Variants in RSPH14 observed in about 807,000 individuals in gnomAD.
RSPH14 encodes rhabdoid tumor deletion region gene 1.
A neutral mutation model predicts 26.7 loss-of-function variants in RSPH14; 20 were observed. That is an observed-to-expected ratio of 0.75 (90% CI 0.53 to 1.09). The LOEUF (loss-of-function observed/expected upper bound fraction) is 1.09. Ranked by LOEUF, RSPH14 falls within the 50% of genes least tolerant of loss-of-function variation. RSPH14 has a pLI of 0.00. For synonymous variants in RSPH14, 177 were observed against 189.3 expected (o/e 0.93, Z 0.53); for missense variants, 449 against 457.2 (o/e 0.98, Z 0.16).
At chr22:23,123,541 T>C in intron 4 of RSPH14, 1 of 667,710 alleles carries the variant, frequency 1.5e-6, no homozygotes, top group Non-Finnish European at 2.6e-6. Context: ...GCCTAAAGAA[T>C]GTCCCCCACC....
At chr22:23,113,561 A>G (rs972370063) in intron 4 of RSPH14, among the ~76,000 whole-genome samples, 2 of 152,286 alleles carry the variant, frequency 1.3e-5, no homozygotes, top group Non-Finnish European at 2.9e-5. Context: ...CGAATAAGCT[A>G]TTTCCTTTGC....
the RSPH14 span, among the ~76,000 whole-genome samples, chr22:23,168,504 A>G: frequency 6.6e-6 from 1 of 152,078 alleles, no homozygotes; most frequent in Non-Finnish European, 1.5e-5. Flanking sequence ...CGCCACACAC[A>G]CACACAGACA....
intron 4 of RSPH14, chr22:23,123,797 G>A (rs764243156): frequency 3.0e-5 from 8 of 264,290 alleles, no homozygotes; most frequent in Non-Finnish European, 5.8e-5. Flanking sequence ...GGATTGTTAG[G>A]GATAGGCAGC....
chr22:23,089,086 G>A (rs1025950013), intron 4 of RSPH14, among the ~76,000 whole-genome samples: 18 of 152,204 alleles, frequency 1.2e-4, no homozygotes, highest in Admixed American at 3.3e-4. Flanking sequence ...TTTCCTGGGA[G>A]GTGAGGAGGG....
chr22:23,119,634 C>T (rs2069952847), intron 4 of RSPH14, among the ~76,000 whole-genome samples: 1 of 152,250 alleles, frequency 6.6e-6, no homozygotes, highest in Admixed American at 6.5e-5. Context: ...CTAAGCTTCA[C>T]CTCCTACTAG....
At chr22:23,116,288 T>G (rs1392027689) in intron 4 of RSPH14, among the ~76,000 whole-genome samples, 1 of 152,118 alleles carries the variant, frequency 6.6e-6, no homozygotes, top group Non-Finnish European at 1.5e-5. Context: ...GAGGTGGAGC[T>G]GCGGGTGCAG....
At chr22:23,114,419 C>T (rs1331592123) in intron 4 of RSPH14, among the ~76,000 whole-genome samples, 2 of 152,196 alleles carry the variant, frequency 1.3e-5, no homozygotes, top group East Asian at 1.9e-4. Flanking sequence ...AATGCGGCTG[C>T]ATCCCCATGC....
At chr22:23,091,977 C>T (rs772954733) in intron 4 of RSPH14, among the ~76,000 whole-genome samples, 1 of 152,196 alleles carries the variant, frequency 6.6e-6, no homozygotes, top group Non-Finnish European at 1.5e-5. Flanking sequence ...GGCCTTACAG[C>T]ATGTTCCTCC....
chr22:23,070,531 C>T (rs999827335), intron 4 of RSPH14: 1 of 151,292 alleles, frequency 6.6e-6, no homozygotes, highest in Non-Finnish European at 1.5e-5. Flanking sequence ...CCCGCCCTGC[C>T]CGGAGCAGCT....
intron 4 of RSPH14, among the ~76,000 whole-genome samples, chr22:23,072,041 A>G (rs1220548033): frequency 1.3e-5 from 2 of 152,108 alleles, no homozygotes; most frequent in South Asian, 4.1e-4. Context: ...AAGCAGTTCC[A>G]TGACCCCATG....
the RSPH14 span, among the ~76,000 whole-genome samples, chr22:23,153,297 C>T: frequency 6.6e-6 from 1 of 152,162 alleles, no homozygotes; most frequent in Non-Finnish European, 1.5e-5. Flanking sequence ...CCAGAGCCCC[C>T]ACATGCTCTG....
intron 5 of RSPH14, among the ~76,000 whole-genome samples, chr22:23,062,928 C>A (rs1355738327): frequency 2.0e-5 from 3 of 152,248 alleles, no homozygotes; most frequent in Non-Finnish European, 4.4e-5. Context: ...CAAAGCTCCC[C>A]CGCTGCAAAC....
the RSPH14 span, chr22:23,152,318 AGT>A: frequency 1.3e-6 from 1 of 784,980 alleles, no homozygotes; most frequent in African/African-American, 1.7e-5. Flanking sequence ...GGGGGAACAC[AGT>A]GTCTCAGCAG....
the RSPH14 span, among the ~76,000 whole-genome samples, chr22:23,171,061 G>C: frequency 6.6e-6 from 1 of 151,912 alleles, no homozygotes; most frequent in African/African-American, 2.4e-5. Flanking sequence ...TCTGCCTCCC[G>C]GGTTCAAGCG....
intron 4 of RSPH14, among the ~76,000 whole-genome samples, chr22:23,117,766 G>C (rs564650303): frequency 1.8e-4 from 28 of 152,358 alleles, no homozygotes; most frequent in Non-Finnish European, 3.2e-4. Flanking sequence ...CTTGTCCAAG[G>C]TGCAGCATGC....
At chr22:23,155,061 G>T in the RSPH14 span, among the ~76,000 whole-genome samples, 1 of 152,194 alleles carries the variant, frequency 6.6e-6, no homozygotes, top group African/African-American at 2.4e-5. Context: ...GGAGGCAGAG[G>T]TTACAGTGAG....
chr22:23,158,033 G>A, the RSPH14 span: 10 of 1,614,176 alleles, frequency 6.2e-6, no homozygotes, highest in East Asian at 2.2e-5. Flanking sequence ...GCAGACCCTG[G>A]AGCATACCAG....
At chr22:23,127,235 G>A (rs2070205478) in intron 4 of RSPH14, among the ~76,000 whole-genome samples, 1 of 152,202 alleles carries the variant, frequency 6.6e-6, no homozygotes, top group Non-Finnish European at 1.5e-5. Flanking sequence ...GCAACACTGA[G>A]GCTGGACCTC....
chr22:23,073,110 T>C (rs2068419960), intron 4 of RSPH14, among the ~76,000 whole-genome samples: 1 of 152,264 alleles, frequency 6.6e-6, no homozygotes. Flanking sequence ...TGTCCCACGC[T>C]AGCCTCAGAA....
Sources: allele counts gnomAD v4.1 joint callset (sites outside exome capture counted in the v4.1 genomes callset), GRCh38; gene constraint gnomAD v4.1.1; transcripts MANE v1.5; gene names NCBI Gene and HGNC (gene_info 2026-07-23, HGNC 2026-07-21).